Variants in SYCP2 observed in about 807,000 individuals in gnomAD.
SYCP2 encodes synaptonemal complex protein 2.
A neutral mutation model predicts 211.3 loss-of-function variants in SYCP2; 55 were observed. That is an observed-to-expected ratio of 0.26 (90% CI 0.21 to 0.33). The LOEUF (loss-of-function observed/expected upper bound fraction) is 0.33. SYCP2 is among the 10% of genes least tolerant of loss of function. The pLI is 1.00. For synonymous variants in SYCP2, 570 were observed against 555.2 expected (o/e 1.03, Z -0.37); for missense variants, 1,731 against 1,752.0 (o/e 0.99, Z 0.21).
At chr20:59,899,947 T>C in intron 18 of SYCP2, 191 bp downstream of exon 18, 2 of 618,252 alleles carry the variant, frequency 3.2e-6, no homozygotes, top group South Asian at 4.0e-5. Context: ...CTAACCCCTA[T>C]ACATGTACAC....
chr20:59,881,393 GAA>G, intron 29 of SYCP2, 42 bp downstream of exon 29: 1 of 1,006,432 alleles, frequency 9.9e-7, no homozygotes, highest in Admixed American at 2.9e-5. Flanking sequence ...ATATTTAAGA[GAA>G]AAAAAAAGAT....
chr20:59,889,938 A>G (rs1460705424), intron 24 of SYCP2, among the ~76,000 whole-genome samples: 1 of 152,136 alleles, frequency 6.6e-6, no homozygotes, highest in Non-Finnish European at 1.5e-5. Context: ...GAGAAATAGG[A>G]ATGCTTTTAC....
intron 16 of SYCP2, 44 bp from the exon 17 acceptor site, chr20:59,900,862 C>A (rs1434197419): frequency 7.4e-7 from 1 of 1,352,140 alleles, no homozygotes; most frequent in Non-Finnish European, 1.0e-6. Context: ...TCTTCATTTT[C>A]TTTCCACTTT....
chr20:59,913,715 T>C (rs531940713), intron 12 of SYCP2, among the ~76,000 whole-genome samples: 1 of 152,210 alleles, frequency 6.6e-6, no homozygotes, highest in Non-Finnish European at 1.5e-5. Context: ...AGTTATTAAT[T>C]AATATGAATT....
intron 15 of SYCP2, among the ~76,000 whole-genome samples, chr20:59,903,831 C>G (rs986572267): frequency 6.6e-6 from 1 of 152,064 alleles, no homozygotes; most frequent in Non-Finnish European, 1.5e-5. Flanking sequence ...TGCCAAGTAG[C>G]AGTGAGAGTC....
In SYCP2 at chr20:59,881,988, T is replaced by C. The variant is rs796342002; in HGVS notation, c.2615A>G (p.Asn872Ser). Residue 872 changes from asparagine to serine, a missense_variant, in exon 28 of 45, where the codon AAT (asparagine) becomes AGT (serine). Around this residue, in one of 3 missense-constraint regions of SYCP2, gnomAD observed 1,387 missense variants for 1,351.3 expected, o/e 1.03. Coordinates refer to ENST00000357552, the MANE Select transcript of SYCP2 (RefSeq NM_014258.4). ...GTCATCAGCTCCATTCAAATTAAAATTGTAAACATCATTCCTGTGAAAATG... is the reference window on the plus strand; with the variant it reads ...GTCATCAGCTCCATTCAAATTAAAACTGTAAACATCATTCCTGTGAAAATG... ...TSECPVNDVY[N>S]FNLNGADDPI... The C allele has an allele frequency of 6.2e-7, 1 of 1,613,140 alleles. No homozygotes were observed. The highest frequency in any genetic ancestry group is 8.5e-7 in the Non-Finnish European group (1 of 1,179,462).
chr20:59,892,235 T>C lies in SYCP2; in HGVS notation c.2119A>G (p.Asn707Asp), dbSNP rs1371443717. ...QNHPKYSGQKNTENAKQSDWP... is the reference protein window; with the variant it reads ...QNHPKYSGQKDTENAKQSDWP... ...TCACTCTGCTTGGCATTTTCAGTAT[T>C]TTTCTGCCCTGAATATTTAGGATGA... The change falls in exon 24 of 45, where the codon AAT becomes GAT. Residue 707 changes from asparagine to aspartate, a missense_variant. Coordinates refer to ENST00000357552, the MANE Select transcript of SYCP2 (RefSeq NM_014258.4). The C allele has an allele frequency of 6.2e-7, 1 of 1,612,898 alleles. No homozygotes were observed. Among genetic ancestry groups the C allele is most frequent in the Non-Finnish European group, 8.5e-7 (1 of 1,179,264 alleles).
chr20:59,909,083 T>C (rs2060267916), intron 14 of SYCP2, among the ~76,000 whole-genome samples: 1 of 152,200 alleles, frequency 6.6e-6, no homozygotes, highest in Non-Finnish European at 1.5e-5. Flanking sequence ...CTCCTTTCCT[T>C]TGTCGTCCGT....
intron 26 of SYCP2, among the ~76,000 whole-genome samples, chr20:59,884,046 A>G (rs1205572212): frequency 6.6e-6 from 1 of 152,126 alleles, no homozygotes. Flanking sequence ...TAGTAAAAAT[A>G]CAATAGAAAA....
intron 30 of SYCP2, 104 bp downstream of exon 30, chr20:59,880,857 TAAATA>T: frequency 1.8e-6 from 1 of 552,808 alleles, no homozygotes; most frequent in Non-Finnish European, 3.1e-6. Context: ...GATAGTTGCA[TAAATA>T]AAACAATCAA....
At chr20:59,878,483 A>G (rs537224001) in intron 31 of SYCP2, among the ~76,000 whole-genome samples, 2 of 152,274 alleles carry the variant, frequency 1.3e-5, no homozygotes, top group African/African-American at 2.4e-5. Flanking sequence ...ATATAAGAGA[A>G]TATGTCAGCA....
At position 59,880,249 on chromosome 20, in the gene SYCP2, T is replaced by C. The variant is rs529057174; in HGVS notation, c.2941+54A>G. ...AGCTTATATAAAGCATTTTCAATAA[T>C]TGAAATAAACTGCAAAATCATTTGC... On this transcript the variant is annotated intron_variant, in intron 31 of 44. Coordinates refer to ENST00000357552, the MANE Select transcript of SYCP2 (RefSeq NM_014258.4). The C allele has an allele frequency of 9.5e-5, 134 of 1,414,738 alleles. 1 individual carries two copies. In the South Asian group the frequency reaches 1.4e-3, roughly 14 times the overall value. The allele number at this position is 1,414,738 out of a possible 1,614,324, so 87.6% of individuals were successfully genotyped here.
chr20:59,913,213 A>G (rs1032947860), intron 12 of SYCP2, among the ~76,000 whole-genome samples: 4 of 152,224 alleles, frequency 2.6e-5, no homozygotes, highest in South Asian at 2.1e-4. Flanking sequence ...ATTTTAATCT[A>G]TATCACAAAC....
rs1208275119 is a variant in SYCP2 at position 59,875,255 on chromosome 20, AC to A, written c.3349+15del. ...TATTGAATATTCAAGTAAAGAAAAA[AC>A]AAAGTTATACTGACATCTCGTTACT... On this transcript the variant is annotated intron_variant, in intron 34 of 44. Coordinates refer to ENST00000357552, the MANE Select transcript of SYCP2 (RefSeq NM_014258.4). The A allele has an allele frequency of 6.5e-7, 1 of 1,533,080 alleles. No homozygotes were observed. The highest frequency in any genetic ancestry group is 1.9e-5 in the Admixed American group (1 of 51,892). 95.0% of individuals were successfully genotyped at this position (1,533,080 alleles called of 1,614,324 possible).
intron 12 of SYCP2, 152 bp downstream of exon 12, chr20:59,913,823 G>T: frequency 2.2e-6 from 1 of 461,470 alleles, no homozygotes; most frequent in Non-Finnish European, 3.7e-6. Flanking sequence ...CTAAAATCAT[G>T]TTATTGTTTT....
intron 26 of SYCP2, among the ~76,000 whole-genome samples, chr20:59,884,467 AAAT>A (rs1312091220): frequency 6.6e-5 from 10 of 152,004 alleles, no homozygotes; most frequent in African/African-American, 1.9e-4. Flanking sequence ...AAATATCACT[AAAT>A]AATTGATTAC....
chr20:59,879,826 T>A (rs939325704), intron 31 of SYCP2, among the ~76,000 whole-genome samples: 47 of 5,532 alleles, frequency 8.5e-3, no homozygotes, highest in East Asian at 0.026. Flanking sequence ...TAAATAAATA[T>A]ATATATATAT....
chr20:59,879,697 C>A (rs558946449), intron 31 of SYCP2, among the ~76,000 whole-genome samples: 46 of 148,152 alleles, frequency 3.1e-4, no homozygotes, highest in Middle Eastern at 3.5e-3. Flanking sequence ...AAACTTAGAC[C>A]CAAAAAAAAA....
chr20:59,895,699 G>A, intron 19 of SYCP2, 102 bp from the exon 20 acceptor site: 1 of 1,319,736 alleles, frequency 7.6e-7, no homozygotes, highest in East Asian at 2.4e-5. Context: ...ATTCTTAGAT[G>A]GTTCCCAGGT....
Sources: allele counts gnomAD v4.1 joint callset (sites outside exome capture counted in the v4.1 genomes callset), GRCh38; gene constraint gnomAD v4.1.1; regional missense constraint gnomAD v4.1.1; transcripts MANE v1.5; gene names NCBI Gene and HGNC (gene_info 2026-07-23, HGNC 2026-07-21).